The following PXT1 variants were observed in gnomAD, a reference collection of about 807,000 sequenced individuals.
PXT1 encodes the protein peroxisomal testis-specific protein 1.
PXT1 carries 11 observed loss-of-function variants against 11.0 expected under a neutral mutation model. The ratio of observed to expected loss-of-function variants is 1.00; its 90% CI spans 0.63 to 1.66. The LOEUF is 1.66. Ranked by LOEUF, PXT1 falls within the 40% of genes most tolerant of loss-of-function variation. The pLI is 0.00. For synonymous variants in PXT1, 43 were observed against 51.4 expected (o/e 0.84, Z 0.70); for missense variants, 141 against 155.5 (o/e 0.91, Z 0.49).
rs577345041 is a variant in PXT1, at chr6:36,400,358, G to A, written c.300+96C>T. On this transcript the variant is annotated intron_variant, in intron 4 of 4. Transcript: ENST00000454782. ...CAGACAGCATTATTCCATTAATTCT[G>A]ATAATTCCTGGGCATCTCAGACACT... is the stretch of plus-strand genomic sequence containing the variant. 1.0e-3 allele frequency: 1,443 copies of A among 1,402,798 alleles called. 21 individuals carry two copies. In the South Asian group the frequency reaches 0.017, roughly 16 times the overall value. 86.9% of individuals were successfully genotyped at this position (1,402,798 alleles called of 1,614,324 possible). A position where few individuals can be genotyped will look rare whatever the true frequency, so the allele number is the denominator to read the frequency against.
In PXT1 at chr6:36,433,605, G is replaced by A. The variant is rs149841705; in HGVS notation, c.-10+5162C>T. Reference sequence around the variant, plus strand: ...GAGGCCGAGGCGGGTGGATCACGAGGTCAGCAGATCGAGACCATCCTGGCT... The same window carrying A: ...GAGGCCGAGGCGGGTGGATCACGAGATCAGCAGATCGAGACCATCCTGGCT... On this transcript the variant is annotated intron_variant, in intron 2 of 4. Coordinates refer to ENST00000454782, the MANE Select transcript of PXT1 (RefSeq NM_152990.4). Among the ~76,000 whole-genome samples the A allele has an allele frequency of 3.1e-3, 469 of 151,846 alleles. 1 individual carries two copies. Among genetic ancestry groups the A allele is most frequent in the African/African-American group, 0.01 (424 of 41,418 alleles).
At chr6:36,431,546 C>T (rs774215141) in intron 2 of PXT1, among the ~76,000 whole-genome samples, 9 of 152,146 alleles carry the variant, frequency 5.9e-5, no homozygotes, top group Non-Finnish European at 1.2e-4. Context: ...GTGGGCTGAT[C>T]ACTTGAGATC....
chr6:36,434,570 C>T (rs1476602665), intron 2 of PXT1, among the ~76,000 whole-genome samples: 1 of 152,182 alleles, frequency 6.6e-6, no homozygotes, highest in African/African-American at 2.4e-5. Flanking sequence ...AATGACATAA[C>T]TGAAATTCTC....
chr6:36,419,832 C>T (rs191076568), intron 3 of PXT1, among the ~76,000 whole-genome samples: 1 of 152,256 alleles, frequency 6.6e-6, no homozygotes, highest in African/African-American at 2.4e-5. Context: ...CGGTTTAGAA[C>T]CAGGCGAAAT....
At chr6:36,438,634 G>C (rs1389261501) in intron 2 of PXT1, 133 bp downstream of exon 2, 2 of 152,094 alleles carry the variant, frequency 1.3e-5, no homozygotes, top group African/African-American at 2.4e-5. Context: ...GTGTTAGCCG[G>C]GATGGTCTTG....
intron 2 of PXT1, among the ~76,000 whole-genome samples, chr6:36,434,559 T>G (rs1370330146): frequency 6.6e-6 from 1 of 152,246 alleles, no homozygotes; most frequent in African/African-American, 2.4e-5. Flanking sequence ...AATGGAACAT[T>G]AATGACATAA....
At chr6:36,404,250 C>G (rs1774256443) in intron 3 of PXT1, among the ~76,000 whole-genome samples, 1 of 152,192 alleles carries the variant, frequency 6.6e-6, no homozygotes, top group Admixed American at 6.5e-5. Context: ...AAGAACACAG[C>G]CATGGGTCGC....
At chr6:36,441,275 A>C (rs1029474626) in intron 1 of PXT1, among the ~76,000 whole-genome samples, 15 of 152,246 alleles carry the variant, frequency 9.9e-5, no homozygotes, top group African/African-American at 3.4e-4. Context: ...ATGGAAATAA[A>C]GGCATTAGTT....
chr6:36,439,444 T>C lies in PXT1; in HGVS notation c.-129-558A>G, dbSNP rs1582278308. The stretch of plus-strand genomic sequence containing the variant: ...CTGGCCAACCTGGTGAAACCCCATC[T>C]CTACTAAAAATAAAAAAAATTAGCT... On this transcript the variant is annotated intron_variant, in intron 1 of 4. Coordinates refer to ENST00000454782, the MANE Select transcript of PXT1 (RefSeq NM_152990.4). Among the ~76,000 whole-genome samples, 3 of 151,124 alleles carry C rather than the reference T, an allele frequency of 2.0e-5. 1 individual carries two copies. In the South Asian group the frequency reaches 6.3e-4, roughly 32 times the overall value.
intron 3 of PXT1, among the ~76,000 whole-genome samples, chr6:36,419,682 G>T (rs978749286): frequency 6.6e-6 from 1 of 152,174 alleles, no homozygotes; most frequent in African/African-American, 2.4e-5. Context: ...GATTAGGTTA[G>T]GGTTGTATGA....
chr6:36,437,157 C>T (rs1046282866), intron 2 of PXT1, among the ~76,000 whole-genome samples: 12 of 152,090 alleles, frequency 7.9e-5, no homozygotes, highest in East Asian at 5.8e-4. Flanking sequence ...CGTGGTGTCA[C>T]GGGCCTATAA....
In PXT1 at chr6:36,390,743, T is replaced by C. The variant is rs1220678108; in HGVS notation, c.*1027A>G. On this transcript the variant is annotated 3_prime_UTR_variant, in exon 5 of 5. Transcript: ENST00000454782. ...AGACAAAAAGGTAAAAGAAGAAGCA[T>C]GCAGGTGAAAGAACTGCCTAACAGC... 6.6e-6 allele frequency: 1 copy of C among 152,190 alleles called. No homozygotes were observed. Among genetic ancestry groups the C allele is most frequent in the Non-Finnish European group, 1.5e-5 (1 of 68,038 alleles). 9.4% of individuals were successfully genotyped at this position (152,190 alleles called of 1,614,324 possible).
chr6:36,395,852 A>C (rs1349455927), intron 4 of PXT1, among the ~76,000 whole-genome samples: 1 of 151,818 alleles, frequency 6.6e-6, no homozygotes, highest in African/African-American at 2.4e-5. Context: ...AATACAAAAA[A>C]ATTACCCAGG....
chr6:36,391,674 G>A lies in PXT1; in HGVS notation c.*96C>T, dbSNP rs1044045271. Reference sequence around the variant, plus strand: ...GTGATGGGTACAAAAAGAGGGAGACGGAGAAGGGTGTTCTTCCCATCTGTC... The same window carrying A: ...GTGATGGGTACAAAAAGAGGGAGACAGAGAAGGGTGTTCTTCCCATCTGTC... On this transcript the variant is annotated 3_prime_UTR_variant, in exon 5 of 5. Transcript: ENST00000454782. 1.5e-5 allele frequency: 13 copies of A among 845,266 alleles called. No homozygotes were observed. The highest frequency in any genetic ancestry group is 2.8e-5 in the South Asian group (2 of 71,612). The allele number at this position is 845,266 out of a possible 1,614,324, so 52.4% of individuals were successfully genotyped here.
chr6:36,425,740 A>G (rs1774592555), intron 3 of PXT1, among the ~76,000 whole-genome samples, 174 bp downstream of exon 3: 1 of 151,574 alleles, frequency 6.6e-6, no homozygotes, highest in African/African-American at 2.4e-5. Flanking sequence ...GAGAGCTGAG[A>G]TGGCACCACT....
In PXT1 at chr6:36,425,800, C is replaced by CAAAAACAAACAAACAAACAA. The variant is rs1433662209; in HGVS notation, c.169+113_169+114insTTGTTTGTTTGTTTGTTTTT. ...GAGACTCTGTCTCAAAAAACAAAAA[C>CAAAAACAAACAAACAAACAA]AAAAAATATATATATATATATATAT... On this transcript the variant is annotated intron_variant, in intron 3 of 4. Coordinates refer to ENST00000454782, the MANE Select transcript of PXT1 (RefSeq NM_152990.4). 2.2e-3 allele frequency: 487 copies of CAAAAACAAACAAACAAACAA among 216,636 alleles called. 6 individuals are homozygous for CAAAAACAAACAAACAAACAA. The highest frequency in any genetic ancestry group is 0.015 in the African/African-American group (458 of 29,732). The allele number at this position is 216,636 out of a possible 1,614,324, so 13.4% of individuals were successfully genotyped here.
At chr6:36,419,559 T>C (rs569740175) in intron 3 of PXT1, among the ~76,000 whole-genome samples, 13 of 152,324 alleles carry the variant, frequency 8.5e-5, no homozygotes, top group African/African-American at 3.1e-4. Flanking sequence ...ATTTATATTT[T>C]GTGCCTGTCT....
chr6:36,412,657 T>C (rs1774391175), intron 3 of PXT1, among the ~76,000 whole-genome samples: 1 of 40,908 alleles, frequency 2.4e-5, no homozygotes, highest in African/African-American at 1.2e-4. Flanking sequence ...AGACTCCGTC[T>C]CAAAAAAAAA....
intron 3 of PXT1, 26 bp from the exon 4 acceptor site, chr6:36,400,610 A>G (rs1314793033): frequency 2.5e-6 from 4 of 1,602,302 alleles, no homozygotes; most frequent in Admixed American, 1.7e-5. Context: ...AGAGTTCAAA[A>G]GAGATAATCC....
Sources: allele counts gnomAD v4.1 joint callset (sites outside exome capture counted in the v4.1 genomes callset), GRCh38; gene constraint gnomAD v4.1.1; transcripts MANE v1.5; gene names NCBI Gene and HGNC (gene_info 2026-07-23, HGNC 2026-07-21).